The following LINGO2 variants were observed in gnomAD, a reference collection of about 807,000 sequenced individuals.
LINGO2 encodes leucine rich repeat and Ig domain containing 2, also known as leucine-rich repeat and immunoglobulin-like domain-containing nogo receptor-interacting protein 2.
In LINGO2, 14 loss-of-function variants were observed where a neutral mutation model predicts 30.6. The observed-to-expected ratio is 0.46, with a 90% CI of 0.30 to 0.72. The LOEUF (loss-of-function observed/expected upper bound fraction) is 0.72. LINGO2 is among the 30% of genes least tolerant of loss of function. LINGO2 has a pLI of 0.07. For missense variants in LINGO2, 729 were observed against 751.7 expected (o/e 0.97, Z 0.35); for synonymous variants, 317 against 288.5 (o/e 1.10, Z -1.00).
chr9:28,869,835 C>T, the LINGO2 span, among the ~76,000 whole-genome samples: 1 of 151,902 alleles, frequency 6.6e-6, no homozygotes, highest in Admixed American at 6.6e-5. Flanking sequence ...CACCCTTTTC[C>T]CAATTTCCCA....
At chr9:28,994,457 G>A in the LINGO2 span, among the ~76,000 whole-genome samples, 103,093 of 144,284 alleles carry the variant, frequency 0.71, 36,042 homozygotes, top group Admixed American at 0.74. Flanking sequence ...GGTAATTTAT[G>A]GATTCAATGC....
the LINGO2 span, among the ~76,000 whole-genome samples, chr9:28,953,059 C>T: frequency 1.3e-5 from 2 of 152,136 alleles, no homozygotes; most frequent in East Asian, 3.9e-4. Flanking sequence ...ATGGGATAAA[C>T]AATGACTGGC....
intron 5 of LINGO2, among the ~76,000 whole-genome samples, chr9:27,978,013 G>A (rs963225409): frequency 4.6e-5 from 7 of 152,022 alleles, no homozygotes; most frequent in Admixed American, 2.6e-4. Context: ...TGTGTGGCTC[G>A]ACTGCTCTTA....
chr9:28,190,346 G>A (rs991344040), intron 4 of LINGO2, among the ~76,000 whole-genome samples: 1 of 152,054 alleles, frequency 6.6e-6, no homozygotes, highest in East Asian at 1.9e-4. Flanking sequence ...AAAAAATACT[G>A]CATCAAAAGA....
the LINGO2 span, among the ~76,000 whole-genome samples, chr9:28,701,845 A>G: frequency 6.6e-6 from 1 of 151,894 alleles, no homozygotes; most frequent in Non-Finnish European, 1.5e-5. Flanking sequence ...TATAGCTTTT[A>G]TACATATTTT....
the LINGO2 span, among the ~76,000 whole-genome samples, chr9:29,033,734 G>T: frequency 1.3e-5 from 2 of 151,976 alleles, no homozygotes; most frequent in African/African-American, 4.8e-5. Flanking sequence ...TGAAGAGTGA[G>T]AAAATGGAAA....
intron 1 of LINGO2, among the ~76,000 whole-genome samples, chr9:28,494,325 G>C (rs143705141): frequency 1.2e-3 from 179 of 151,988 alleles, no homozygotes; most frequent in Non-Finnish European, 2.2e-3. Context: ...CCATGAACTG[G>C]TCATTTACAT....
chr9:28,892,224 T>C, the LINGO2 span, among the ~76,000 whole-genome samples: 13 of 152,018 alleles, frequency 8.6e-5, no homozygotes, highest in African/African-American at 3.1e-4. Flanking sequence ...GCAGTCATAA[T>C]GTACTGAGCT....
At chr9:28,762,161 T>A in the LINGO2 span, among the ~76,000 whole-genome samples, 5 of 152,198 alleles carry the variant, frequency 3.3e-5, no homozygotes, top group South Asian at 2.1e-4. Context: ...TGGGGTAGAC[T>A]AAAACATAAA....
chr9:28,572,836 C>A (rs1264321901), intron 1 of LINGO2, among the ~76,000 whole-genome samples: 1 of 152,004 alleles, frequency 6.6e-6, no homozygotes, highest in Non-Finnish European at 1.5e-5. Flanking sequence ...TGCCTTTATT[C>A]AAGGAACACT....
chr9:28,663,617 A>G (rs1218701531), intron 1 of LINGO2, among the ~76,000 whole-genome samples: 1 of 152,236 alleles, frequency 6.6e-6, no homozygotes, highest in East Asian at 1.9e-4. Flanking sequence ...AAACTGGAAT[A>G]AGTTCCTCTG....
At chr9:29,097,660 C>T in the LINGO2 span, among the ~76,000 whole-genome samples, 2 of 137,616 alleles carry the variant, frequency 1.5e-5, no homozygotes, top group African/African-American at 2.7e-5. Flanking sequence ...TTTTTTTCTA[C>T]TTCCTAAGCA....
intron 4 of LINGO2, among the ~76,000 whole-genome samples, chr9:28,279,988 T>C (rs756741987): frequency 2.6e-5 from 4 of 152,162 alleles, no homozygotes; most frequent in Non-Finnish European, 5.9e-5. Flanking sequence ...TAAGTTATCT[T>C]AGGACAGTCG....
chr9:29,035,134 A>G, the LINGO2 span, among the ~76,000 whole-genome samples: 1 of 152,120 alleles, frequency 6.6e-6, no homozygotes, highest in African/African-American at 2.4e-5. Flanking sequence ...AGAAAAATAT[A>G]AAAAAGTAAT....
At chr9:28,776,803 T>G in the LINGO2 span, among the ~76,000 whole-genome samples, 1 of 151,550 alleles carries the variant, frequency 6.6e-6, no homozygotes, top group East Asian at 1.9e-4. Context: ...GTATAGAGTA[T>G]ATAGAACCCC....
At chr9:28,690,915 T>C in the LINGO2 span, among the ~76,000 whole-genome samples, 1 of 152,160 alleles carries the variant, frequency 6.6e-6, no homozygotes, top group East Asian at 1.9e-4. Flanking sequence ...ACCATTATTA[T>C]AAATAAAAGT....
chr9:28,231,210 G>A (rs1390524365), intron 4 of LINGO2, among the ~76,000 whole-genome samples: 1 of 151,852 alleles, frequency 6.6e-6, no homozygotes, highest in South Asian at 2.1e-4. Context: ...GTAAAGATAG[G>A]TAAGGATATT....
At chr9:28,804,116 CT>C in the LINGO2 span, among the ~76,000 whole-genome samples, 1 of 152,000 alleles carries the variant, frequency 6.6e-6, no homozygotes, top group Non-Finnish European at 1.5e-5. Flanking sequence ...CTCTTATTCT[CT>C]TTTCTTCTCT....
chr9:29,125,578 T>C, the LINGO2 span, among the ~76,000 whole-genome samples: 21 of 152,146 alleles, frequency 1.4e-4, no homozygotes, highest in African/African-American at 7.2e-5. Flanking sequence ...TACTGTTCAA[T>C]CTTATTGGTT....
Sources: allele counts gnomAD v4.1 joint callset (sites outside exome capture counted in the v4.1 genomes callset), GRCh38; gene constraint gnomAD v4.1.1; transcripts MANE v1.5; gene names NCBI Gene and HGNC (gene_info 2026-07-23, HGNC 2026-07-21).